The following PCDH15 variants were observed in gnomAD, a reference collection of about 807,000 sequenced individuals.
PCDH15 encodes the protein protocadherin related 15.
Under a neutral mutation model 178.5 loss-of-function variants are expected in PCDH15, and 129 were observed. That is an observed-to-expected ratio of 0.72 (90% confidence interval 0.63 to 0.84). PCDH15 has a LOEUF of 0.84. PCDH15 is among the 40% of genes least tolerant of loss of function. The pLI, the probability that PCDH15 is intolerant of heterozygous loss-of-function variation, is 0.00. For missense variants in PCDH15, 2,230 were observed against 2,099.9 expected, an observed-to-expected ratio of 1.06 and a Z score of -1.21; for synonymous variants, 800 against 732.0, an observed-to-expected ratio of 1.09 and a Z score of -1.50.
intron 20 of PCDH15, among the ~76,000 whole-genome samples, chr10:54,016,262 G>A (rs115375486): frequency 6.1e-5 from 9 of 148,632 alleles, no homozygotes; most frequent in Non-Finnish European, 7.4e-5. Context: ...AAGTAAAAAA[G>A]AAAAAAAAAA....
intron 26 of PCDH15, among the ~76,000 whole-genome samples, chr10:53,879,801 T>C (rs1344679098): frequency 4.6e-5 from 7 of 152,156 alleles, no homozygotes; most frequent in South Asian, 4.1e-4. Context: ...GACAAGGTTT[T>C]GCCATGTTGG....
At chr10:55,154,055 G>A (rs555314566) in intron 2 of PCDH15, among the ~76,000 whole-genome samples, 2 of 152,202 alleles carry the variant, frequency 1.3e-5, no homozygotes, top group South Asian at 4.1e-4. Context: ...CATTAAATGG[G>A]TCGCTCCTAT....
At chr10:55,180,784 G>A (rs909000151) in intron 1 of PCDH15, among the ~76,000 whole-genome samples, 1 of 152,050 alleles carries the variant, frequency 6.6e-6, no homozygotes, top group African/African-American at 2.4e-5. Flanking sequence ...TTCAGTTGCA[G>A]ATGCCTGTCT....
chr10:55,111,093 T>G (rs1367944904), intron 2 of PCDH15, among the ~76,000 whole-genome samples: 1 of 152,110 alleles, frequency 6.6e-6, no homozygotes, highest in African/African-American at 2.4e-5. Flanking sequence ...AATAAAAACC[T>G]CTTCTTTATA....
rs555283884 is a variant in PCDH15, at chr10:55,012,234, T to C, written c.-79-114734A>G. On this transcript the variant is annotated intron_variant, in intron 2 of 5. Transcript: ENST00000458638. Reference sequence around the variant, plus strand: ...GTTATGCTTGCAGTCAAAAAAGATATATTAAAAATATTGTGTGGTCATTTA... The same window carrying C: ...GTTATGCTTGCAGTCAAAAAAGATACATTAAAAATATTGTGTGGTCATTTA... Among the ~76,000 whole-genome samples, 10 of 152,246 alleles carry C rather than the reference T, an allele frequency of 6.6e-5. No individual in the cohort carries two copies. The East Asian group carries it at 1.5e-3, about 23-fold the overall frequency.
intron 2 of PCDH15, among the ~76,000 whole-genome samples, chr10:55,443,434 GA>G (rs910080013): frequency 1.3e-5 from 2 of 151,500 alleles, no homozygotes; most frequent in African/African-American, 4.9e-5. Context: ...AAATTTACAA[GA>G]AAAAAAACCA....
chr10:55,475,585 T>G, intron 2 of PCDH15, among the ~76,000 whole-genome samples: 1 of 152,114 alleles, frequency 6.6e-6, no homozygotes, highest in East Asian at 1.9e-4. Flanking sequence ...TAGGTTGCAG[T>G]TAAAACTTTG....
intron 1 of PCDH15, among the ~76,000 whole-genome samples, chr10:55,194,950 A>C (rs1160635533): frequency 2.6e-5 from 4 of 152,068 alleles, no homozygotes. Flanking sequence ...CTTTTAACTT[A>C]CTGAATTTCA....
intron 6 of PCDH15, among the ~76,000 whole-genome samples, chr10:54,342,497 CA>C (rs934716094): frequency 2.6e-4 from 40 of 152,188 alleles, no homozygotes; most frequent in Non-Finnish European, 5.6e-4. Context: ...CCAGCATGTC[CA>C]GGCAGATATC....
At chr10:53,811,036 G>A (rs1387301825) in intron 36 of PCDH15, among the ~76,000 whole-genome samples, 1 of 152,152 alleles carries the variant, frequency 6.6e-6, no homozygotes, top group Admixed American at 6.5e-5. Flanking sequence ...CTGTATGTTG[G>A]TAGCAAGAAG....
At chr10:54,236,439 A>G (rs1209068481) in intron 9 of PCDH15, among the ~76,000 whole-genome samples, 3 of 151,994 alleles carry the variant, frequency 2.0e-5, no homozygotes, top group South Asian at 2.1e-4. Context: ...TATTATCACA[A>G]TTATGTATAG....
chr10:55,439,647 T>C (rs1050423307), intron 2 of PCDH15, among the ~76,000 whole-genome samples: 2 of 151,718 alleles, frequency 1.3e-5, no homozygotes, highest in Admixed American at 6.6e-5. Context: ...CAACTTAATA[T>C]GGTGACAAAA....
intron 6 of PCDH15, among the ~76,000 whole-genome samples, chr10:54,342,242 G>A (rs1010605568): frequency 1.3e-5 from 2 of 152,146 alleles, no homozygotes; most frequent in African/African-American, 4.8e-5. Context: ...GGCCTAGGAG[G>A]GAAAAATGGT....
chr10:53,884,760 TA>T (rs1175772506), intron 26 of PCDH15, among the ~76,000 whole-genome samples: 2 of 152,200 alleles, frequency 1.3e-5, no homozygotes, highest in African/African-American at 4.8e-5. Flanking sequence ...GTATCCTTAT[TA>T]GTGATGCTAC....
At chr10:54,916,704 A>T (rs73264067) in intron 2 of PCDH15, among the ~76,000 whole-genome samples, 10,036 of 152,086 alleles carry the variant, frequency 0.066, 1,078 homozygotes, top group African/African-American at 0.23. Flanking sequence ...CTATCTCCCC[A>T]CCTCCAAAGA....
rs555936421 is a variant in PCDH15, at chr10:55,296,833, T to C, written c.-156+22766A>G. 1.2e-3 allele frequency among the ~76,000 whole-genome samples: 185 copies of C among 152,312 alleles called. 1 individual carries two copies. The highest frequency in any genetic ancestry group is 2.1e-3 in the Non-Finnish European group (144 of 68,016). ...CCATCATAGTCAAAATACATAATTA[T>C]TTCATCAACACCCCCCAAAATCATC... On this transcript the variant is annotated intron_variant, in intron 1 of 5. Transcript: ENST00000458638.
chr10:54,774,074 G>A (rs1326009423), intron 1 of PCDH15, among the ~76,000 whole-genome samples: 3 of 128,074 alleles, frequency 2.3e-5, no homozygotes, highest in African/African-American at 6.0e-5. Flanking sequence ...TGTCTCCCAG[G>A]CTGGAGTGCA....
chr10:54,855,458 G>C (rs1199323187), intron 3 of PCDH15, among the ~76,000 whole-genome samples: 1 of 152,168 alleles, frequency 6.6e-6, no homozygotes, highest in Middle Eastern at 3.2e-3. Context: ...TCATCATTTA[G>C]AGTAAAAGAT....
chr10:54,169,308 C>T (rs530205117), intron 13 of PCDH15, among the ~76,000 whole-genome samples: 17 of 71,556 alleles, frequency 2.4e-4, no homozygotes, highest in African/African-American at 5.9e-4. Flanking sequence ...GGAAGGTAAG[C>T]CCGTCCCCTT....
Sources: allele counts gnomAD v4.1 joint callset (sites outside exome capture counted in the v4.1 genomes callset), GRCh38; gene constraint gnomAD v4.1.1; transcripts MANE v1.5; gene names NCBI Gene and HGNC (gene_info 2026-07-23, HGNC 2026-07-21).